Variants in COG3 observed in about 807,000 individuals in gnomAD.
COG3 encodes the protein component of oligomeric golgi complex 3.
Under a neutral mutation model 114.1 loss-of-function variants are expected in COG3, and 32 were observed. That is an observed-to-expected ratio of 0.28 (90% CI 0.21 to 0.38). The LOEUF is 0.38. COG3 is among the 10% of genes least tolerant of loss of function. The pLI, the probability that COG3 is intolerant of heterozygous loss-of-function variation, is 1.00. For missense variants in COG3, 813 were observed against 973.2 expected (o/e 0.84, Z 2.19); for synonymous variants, 352 against 365.7 (o/e 0.96, Z 0.43).
In COG3 at chr13:45,479,124, A is replaced by G. The variant is rs931090268; in HGVS notation, c.383+58A>G. ...TAATTTTTAGATCACAGTCATCTGA[A>G]GCATTTCATAATCAGTGTCTTTAAA... On this transcript the variant is annotated intron_variant, in intron 3 of 22. Coordinates refer to ENST00000349995, the MANE Select transcript of COG3 (RefSeq NM_031431.4). The G allele has an allele frequency of 1.2e-5, 14 of 1,210,958 alleles. No individual in the cohort carries two copies. The East Asian group carries it at 3.3e-4, about 29-fold the overall frequency. The allele number at this position is 1,210,958 out of a possible 1,614,324, so 75.0% of individuals were successfully genotyped here. A position where few individuals can be genotyped will look rare whatever the true frequency, so the allele number is the denominator to read the frequency against.
chr13:45,491,048 C>G, intron 9 of COG3, 90 bp downstream of exon 9: 1 of 855,490 alleles, frequency 1.2e-6, no homozygotes, highest in South Asian at 1.6e-5. Flanking sequence ...ATTTTATGAG[C>G]AATTGCCTTC....
intron 5 of COG3, among the ~76,000 whole-genome samples, chr13:45,481,568 G>A (rs1410044383): frequency 6.6e-6 from 1 of 152,098 alleles, no homozygotes; most frequent in Non-Finnish European, 1.5e-5. Flanking sequence ...TTATTTGTAA[G>A]CTTTGAAGAA....
Position 45,465,197 on chromosome 13 carries a change from C to A in COG3, c.161C>A (p.Pro54Gln). The change falls in exon 1 of 23, where the codon CCG becomes CAG. Residue 54 changes from proline (P) to glutamine (Q), a missense_variant. Coordinates refer to ENST00000349995, the MANE Select transcript of COG3 (RefSeq NM_031431.4). ...CTGAAGGCGGCGGCAGAGAACTTGC[C>A]GGTGCCAGCTGAGGTGAGGTGATGG... Reference protein sequence around the residue: ...LELKAAAENLPVPAELPIEDL... With the variant: ...LELKAAAENLQVPAELPIEDL... The A allele has an allele frequency of 1.9e-6, 3 of 1,613,510 alleles. No homozygotes were observed. The highest frequency in any genetic ancestry group is 1.1e-5 in the South Asian group (1 of 91,070).
chr13:45,533,909 T>C (rs888148830), intron 22 of COG3, among the ~76,000 whole-genome samples: 1 of 152,350 alleles, frequency 6.6e-6, no homozygotes, highest in Non-Finnish European at 1.5e-5. Context: ...CACTCATTTA[T>C]AAATGACATC....
In COG3 at chr13:45,486,531, A is replaced by G; in HGVS notation, c.880A>G (p.Thr294Ala). 6.2e-7 allele frequency: 1 copy of G among 1,611,336 alleles called. No homozygotes were observed. The highest frequency in any genetic ancestry group is 8.5e-7 in the Non-Finnish European group (1 of 1,177,538). ...TGTACCTAATGCAGACAATGCCTTCACATTATTTTATGTGAAATTTCGAGC... is the reference window on the plus strand; with the variant it reads ...TGTACCTAATGCAGACAATGCCTTCGCATTATTTTATGTGAAATTTCGAGC... ...SSVPNADNAF[T>A]LFYVKFRAAA... Residue 294 changes from threonine to alanine, a missense_variant, in exon 8 of 23, where the codon ACA (threonine) becomes GCA (alanine). Physicochemically the swap from Thr to Ala is moderately conservative, Grantham distance 58. Around this residue, in one of 2 missense-constraint regions of COG3, gnomAD observed 424 missense variants for 430.6 expected, o/e 0.98. Transcript: ENST00000349995.
chr13:45,494,338 A>C (rs867093384), intron 12 of COG3, among the ~76,000 whole-genome samples: 5 of 151,920 alleles, frequency 3.3e-5, no homozygotes, highest in East Asian at 1.9e-4. Flanking sequence ...AAAAAAAAAA[A>C]AAAAAACAAC....
At chr13:45,468,290 A>C (rs1885268902) in intron 1 of COG3, among the ~76,000 whole-genome samples, 1 of 152,198 alleles carries the variant, frequency 6.6e-6, no homozygotes, top group Non-Finnish European at 1.5e-5. Flanking sequence ...CTTATCTCAT[A>C]GGGAATTGTG....
chr13:45,496,800 A>T (rs1445742643), intron 13 of COG3, among the ~76,000 whole-genome samples: 1 of 151,754 alleles, frequency 6.6e-6, no homozygotes, highest in Non-Finnish European at 1.5e-5. Context: ...CAGCCTCCCG[A>T]GAAGCTGGGA....
intron 15 of COG3, among the ~76,000 whole-genome samples, chr13:45,511,065 G>A (rs1870806205): frequency 6.6e-6 from 1 of 152,140 alleles, no homozygotes; most frequent in African/African-American, 2.4e-5. Flanking sequence ...GGACTGACAG[G>A]AGTCCTGGTC....
chr13:45,530,660 A>G, intron 21 of COG3, 22 bp from the exon 22 acceptor site: 1 of 1,400,842 alleles, frequency 7.1e-7, no homozygotes, highest in Non-Finnish European at 1.0e-6. Flanking sequence ...ATTTGATAAG[A>G]TCTCCTCTCC....
rs539196990 is a variant in COG3 at position 45,476,914 on chromosome 13, A to C, written c.321+567A>C. Among the ~76,000 whole-genome samples the C allele has an allele frequency of 2.0e-5, 3 of 152,308 alleles. No individual in the cohort carries two copies. The South Asian group carries it at 6.2e-4, about 32-fold the overall frequency. ...ATTGACCAAATAAAACATAAAGTAC[A>C]TGTGTTGGAACTGGATTACATATAT... On this transcript the variant is annotated intron_variant, in intron 2 of 22. Transcript: ENST00000349995.
At chr13:45,515,260 T>C (rs9595337) in intron 16 of COG3, among the ~76,000 whole-genome samples, 48,510 of 152,112 alleles carry the variant, frequency 0.32, 8,874 homozygotes, top group Admixed American at 0.42. Context: ...ACTGATTATG[T>C]TTATTAAAAT....
intron 8 of COG3, among the ~76,000 whole-genome samples, chr13:45,487,021 A>G (rs9595328): frequency 0.32 from 47,923 of 152,130 alleles, 8,590 homozygotes; most frequent in Admixed American, 0.42. Flanking sequence ...ATGAAGTGGT[A>G]TCTTAAACAG....
At chr13:45,513,426 T>TAATATATACATATAAATTATAC (rs1871165151) in intron 16 of COG3, among the ~76,000 whole-genome samples, 4 of 98,042 alleles carry the variant, frequency 4.1e-5, no homozygotes, top group African/African-American at 6.2e-5. Flanking sequence ...ATAAATTATA[T>TAATATATACATATAAATTATAC]ATATAATATA....
Position 45,519,025 on chromosome 13 carries a change from G to A in COG3, c.2085G>A (p.Ser695=), listed in dbSNP as rs750712751. The A allele has an allele frequency of 1.4e-5, 22 of 1,613,968 alleles. No individual in the cohort carries two copies. In the South Asian group the frequency reaches 2.0e-4, roughly 14 times the overall value. Residue 695 remains serine, a synonymous_variant, in exon 19 of 23, where the codon TCG becomes TCA. Transcript: ENST00000349995. The part of the protein sequence containing the change: ...SKKDVDRHLK[S]ACEQFIQQQT... Reference sequence around the variant, plus strand: ...AAGACGTAGACCGTCATCTGAAATCGGCCTGTGAGCAGTTTATTCAGCAGC... The same window carrying A: ...AAGACGTAGACCGTCATCTGAAATCAGCCTGTGAGCAGTTTATTCAGCAGC...
Position 45,536,638 on chromosome 13 carries a change from G to A in COG3, c.*1907G>A, listed in dbSNP as rs1321331740. The A allele has an allele frequency of 2.6e-5, 4 of 152,060 alleles. No individual in the cohort carries two copies. Among genetic ancestry groups the A allele is most frequent in the East Asian group, 1.9e-4 (1 of 5,202 alleles). 9.4% of individuals were successfully genotyped at this position (152,060 alleles called of 1,614,324 possible). A position where few individuals can be genotyped will look rare whatever the true frequency, so the allele number is the denominator to read the frequency against. On this transcript the variant is annotated 3_prime_UTR_variant, in exon 23 of 23. Transcript: ENST00000349995. ...TTTTTGCTTCCTACCTTGTCCTCAC[G>A]TGTCTGATACGTGTGTGCATTCCTT...
At chr13:45,505,633 T>C (rs1042228330) in intron 14 of COG3, among the ~76,000 whole-genome samples, 2 of 152,054 alleles carry the variant, frequency 1.3e-5, no homozygotes, top group African/African-American at 4.8e-5. Context: ...CTTTTTTTTT[T>C]TCTTTCAAAG....
At chr13:45,532,528 C>CT (rs535040160) in intron 22 of COG3, among the ~76,000 whole-genome samples, 1 of 126,760 alleles carries the variant, frequency 7.9e-6, no homozygotes, top group East Asian at 2.3e-4. Flanking sequence ...ATAGTTAACT[C>CT]TTTTTATTAG....
intron 5 of COG3, 87 bp downstream of exon 5, chr13:45,481,391 G>A: frequency 1.4e-6 from 1 of 708,240 alleles, no homozygotes; most frequent in Non-Finnish European, 2.5e-6. Context: ...TCTATAAATT[G>A]GCTTGAGTGA....
Sources: allele counts gnomAD v4.1 joint callset (sites outside exome capture counted in the v4.1 genomes callset), GRCh38; gene constraint gnomAD v4.1.1; regional missense constraint gnomAD v4.1.1; transcripts MANE v1.5; gene names NCBI Gene and HGNC (gene_info 2026-07-23, HGNC 2026-07-21).